The following GRID2 variants were observed in gnomAD, a reference collection of about 807,000 sequenced individuals.
GRID2 encodes the protein glutamate ionotropic receptor delta type subunit 2, also known as glutamate receptor ionotropic, delta-2.
A neutral mutation model predicts 114.8 loss-of-function variants in GRID2; 33 were observed. The observed-to-expected ratio is 0.29, with a 90% CI of 0.22 to 0.38. The LOEUF is 0.38. Ranked by LOEUF, GRID2 falls within the 10% of genes least tolerant of loss-of-function variation. The pLI is 1.00. For synonymous variants in GRID2, 505 were observed against 449.9 expected (o/e 1.12, Z -1.55); for missense variants, 1,184 against 1,257.7 (o/e 0.94, Z 0.89).
intron 1 of GRID2, among the ~76,000 whole-genome samples, chr4:92,311,983 A>G (rs1348129291): frequency 6.6e-6 from 1 of 152,068 alleles, no homozygotes; most frequent in African/African-American, 2.4e-5. Flanking sequence ...TGAGGGAATG[A>G]AGGGTGACAA....
chr4:93,350,298 C>T (rs1289996460), intron 8 of GRID2, among the ~76,000 whole-genome samples: 1 of 152,098 alleles, frequency 6.6e-6, no homozygotes, highest in African/African-American at 2.4e-5. Context: ...ATCACTTCAA[C>T]AGAACCTATG....
At chr4:92,441,148 C>T (rs3961968) in intron 1 of GRID2, among the ~76,000 whole-genome samples, 9 of 151,794 alleles carry the variant, frequency 5.9e-5, no homozygotes, top group African/African-American at 9.7e-5. Flanking sequence ...GAATTCTGAC[C>T]GCACTAACCA....
Position 93,179,218 on chromosome 4 carries a change from A to G in GRID2, c.736-28186A>G, listed in dbSNP as rs139945996. ...TTTTTCCCACATAAATCAGTTTGATATCTAATTCACAGACACTGTTGGACA... is the reference window on the plus strand; with the variant it reads ...TTTTTCCCACATAAATCAGTTTGATGTCTAATTCACAGACACTGTTGGACA... On this transcript the variant is annotated intron_variant, in intron 4 of 15. Coordinates refer to ENST00000282020, the MANE Select transcript of GRID2 (RefSeq NM_001510.4). 2.6e-5 allele frequency among the ~76,000 whole-genome samples: 4 copies of G among 152,314 alleles called. No individual in the cohort carries two copies. In the East Asian group the frequency reaches 7.7e-4, roughly 29 times the overall value.
chr4:92,696,263 GAC>G (rs567822692), intron 2 of GRID2, among the ~76,000 whole-genome samples: 132 of 152,138 alleles, frequency 8.7e-4, no homozygotes, highest in African/African-American at 3.0e-3. Context: ...GGAATAATAA[GAC>G]ACAGAGCATT....
intron 9 of GRID2, among the ~76,000 whole-genome samples, chr4:93,396,093 G>A (rs987776172): frequency 6.6e-6 from 1 of 151,840 alleles, no homozygotes; most frequent in Non-Finnish European, 1.5e-5. Context: ...GCCAAACAAT[G>A]GTAGATTTGG....
intron 14 of GRID2, among the ~76,000 whole-genome samples, chr4:93,661,777 A>G (rs1723516608): frequency 6.6e-6 from 1 of 152,144 alleles, no homozygotes; most frequent in Non-Finnish European, 1.5e-5. Context: ...AGTCGGCACA[A>G]ATGGCAGCAC....
chr4:92,544,122 A>G (rs1048845530), intron 1 of GRID2, among the ~76,000 whole-genome samples: 1 of 152,148 alleles, frequency 6.6e-6, no homozygotes, highest in African/African-American at 2.4e-5. Flanking sequence ...GAGGTGATAA[A>G]TATCTGCAAT....
chr4:92,651,109 A>C (rs1254365692), intron 2 of GRID2, among the ~76,000 whole-genome samples: 1 of 152,246 alleles, frequency 6.6e-6, no homozygotes, highest in East Asian at 1.9e-4. Flanking sequence ...AAGGAATTCT[A>C]TAAGTGCATA....
intron 4 of GRID2, among the ~76,000 whole-genome samples, chr4:93,117,301 C>T (rs566263289): frequency 2.6e-5 from 4 of 151,800 alleles, no homozygotes; most frequent in South Asian, 2.1e-4. Flanking sequence ...AGAAAATTCA[C>T]CTATTTATTT....
intron 1 of GRID2, among the ~76,000 whole-genome samples, chr4:92,410,868 A>G (rs1176730745): frequency 6.9e-6 from 1 of 144,442 alleles, no homozygotes; most frequent in African/African-American, 2.6e-5. Flanking sequence ...AAAGAAACAC[A>G]TGAATAGTCA....
intron 1 of GRID2, among the ~76,000 whole-genome samples, chr4:92,444,686 G>T (rs1733352034): frequency 6.6e-6 from 1 of 152,054 alleles, no homozygotes; most frequent in Admixed American, 6.6e-5. Context: ...TAAAAAGGGG[G>T]CGTTTGTCTT....
intron 2 of GRID2, among the ~76,000 whole-genome samples, chr4:92,660,845 T>C (rs1432435346): frequency 2.0e-5 from 3 of 151,260 alleles, no homozygotes; most frequent in South Asian, 4.1e-4. Flanking sequence ...CATTGTAGCA[T>C]TTGTGCCAAG....
chr4:92,705,383 C>T lies in GRID2; in HGVS notation c.244+115097C>T, dbSNP rs139079078. On this transcript the variant is annotated intron_variant, in intron 2 of 15. Transcript: ENST00000282020. ...TATTGAGAACATACTACACGCCAGG[C>T]ATTGTTGAAAGTGCTTAAGAAATAT... Among the ~76,000 whole-genome samples the T allele has an allele frequency of 5.9e-5, 9 of 152,258 alleles. No homozygotes were observed. The East Asian group carries it at 1.4e-3, about 23-fold the overall frequency.
At chr4:93,543,668 A>C (rs1326295077) in intron 13 of GRID2, among the ~76,000 whole-genome samples, 1 of 150,790 alleles carries the variant, frequency 6.6e-6, no homozygotes, top group Non-Finnish European at 1.5e-5. Context: ...GAGTGAGAGC[A>C]AGAGAATGAA....
intron 1 of GRID2, among the ~76,000 whole-genome samples, chr4:92,467,832 C>G (rs1217576662): frequency 6.6e-6 from 1 of 151,912 alleles, no homozygotes; most frequent in Non-Finnish European, 1.5e-5. Flanking sequence ...AAAATTGAAG[C>G]TAGGCTTAAA....
intron 8 of GRID2, among the ~76,000 whole-genome samples, chr4:93,290,329 G>A (rs1753603809): frequency 6.6e-6 from 1 of 152,062 alleles, no homozygotes; most frequent in Non-Finnish European, 1.5e-5. Context: ...TAGAGCTGGG[G>A]TTTTAGGAGA....
At chr4:93,084,051 A>G (rs1241572903) in intron 2 of GRID2, among the ~76,000 whole-genome samples, 4 of 152,130 alleles carry the variant, frequency 2.6e-5, no homozygotes, top group African/African-American at 9.7e-5. Context: ...TAGAATGCCT[A>G]AAATCTAAAA....
chr4:93,714,092 T>A (rs1410916277), intron 14 of GRID2, among the ~76,000 whole-genome samples: 4 of 151,918 alleles, frequency 2.6e-5, no homozygotes, highest in Non-Finnish European at 5.9e-5. Flanking sequence ...CTCTCCTTCC[T>A]CCCCCACCCC....
At chr4:92,722,060 T>A (rs905934249) in intron 2 of GRID2, among the ~76,000 whole-genome samples, 1 of 152,056 alleles carries the variant, frequency 6.6e-6, no homozygotes, top group Admixed American at 6.6e-5. Flanking sequence ...GATCAAAAGA[T>A]TCATAGAGAT....
Sources: allele counts gnomAD v4.1 joint callset (sites outside exome capture counted in the v4.1 genomes callset), GRCh38; gene constraint gnomAD v4.1.1; transcripts MANE v1.5; gene names NCBI Gene and HGNC (gene_info 2026-07-23, HGNC 2026-07-21).